The following RASSF3 variants were observed in gnomAD, a reference collection of about 807,000 sequenced individuals.
RASSF3 encodes the protein ras association domain-containing protein 3.
In RASSF3, 19 loss-of-function variants were observed where a neutral mutation model predicts 19.9. That is an observed-to-expected ratio of 0.96 (90% CI 0.67 to 1.40). The LOEUF (loss-of-function observed/expected upper bound fraction) is 1.40, where lower values mean the gene tolerates loss of function less well. Ranked by LOEUF, RASSF3 falls within the 40% of genes most tolerant of loss-of-function variation. RASSF3 has a pLI of 0.00. For missense variants in RASSF3, 306 were observed against 289.8 expected, an observed-to-expected ratio of 1.06 and a Z score of -0.41; for synonymous variants, 110 against 104.2, an observed-to-expected ratio of 1.06 and a Z score of -0.34.
chr12:64,544,108 G>C (rs373959059), downstream of RASSF3, among the ~76,000 whole-genome samples: 14 of 152,104 alleles, frequency 9.2e-5, no homozygotes, highest in South Asian at 2.7e-3. Context: ...AGTTCTTTAG[G>C]TGTTTGCAAT....
rs139509019 is a variant in RASSF3 at position 64,527,524 on chromosome 12, A to G, written c.170-14057A>G. Among the ~76,000 whole-genome samples, 679 of 152,298 alleles carry G rather than the reference A, an allele frequency of 4.5e-3. 1 individual carries two copies. Among genetic ancestry groups the G allele is most frequent in the African/African-American group, 0.016 (653 of 41,568 alleles). On this transcript the variant is annotated intron_variant, in intron 1 of 5. Transcript: ENST00000637125. ...GCTATCTTCACAATTTTTGCCATACATGCATAACTCCCTACTAGTATTTTT... is the reference window on the plus strand; with the variant it reads ...GCTATCTTCACAATTTTTGCCATACGTGCATAACTCCCTACTAGTATTTTT...
At position 64,693,144 on chromosome 12, in the gene RASSF3, C is replaced by CTTTT. The variant is rs71434057; in HGVS notation, c.567+1582_567+1585dup. Among the ~76,000 whole-genome samples, 142 of 128,738 alleles carry CTTTT rather than the reference C, an allele frequency of 1.1e-3. 1 individual carries two copies. The highest frequency in any genetic ancestry group is 3.7e-3 in the African/African-American group (130 of 34,736). 84.5% of individuals were successfully genotyped at this position (128,738 alleles called of 152,430 possible). ...TTTTGCTCTCCTACTCCATGTTGCTCTTTTTTTTTTTTTTTTTTTTAAATA... is the reference window on the plus strand; with the variant it reads ...TTTTGCTCTCCTACTCCATGTTGCTCTTTTTTTTTTTTTTTTTTTTTTTTAAATA... On this transcript the variant is annotated intron_variant, in intron 4 of 4. Coordinates refer to ENST00000542104, the MANE Select transcript of RASSF3 (RefSeq NM_178169.4).
intron 1 of RASSF3, among the ~76,000 whole-genome samples, chr12:64,637,183 A>G (rs1428742753): frequency 6.6e-6 from 1 of 152,208 alleles, no homozygotes; most frequent in Non-Finnish European, 1.5e-5. Context: ...ACTGTTGTTG[A>G]GCAGCAGGCG....
intron 2 of RASSF3, among the ~76,000 whole-genome samples, chr12:64,575,095 T>C (rs1318068667): frequency 7.9e-5 from 12 of 151,982 alleles, no homozygotes; most frequent in Admixed American, 7.9e-4. Context: ...GAAATAAGGA[T>C]AAAAAAAGAA....
chr12:64,609,883 CG>C (rs1263409545), upstream of RASSF3, among the ~76,000 whole-genome samples: 1 of 152,186 alleles, frequency 6.6e-6, no homozygotes, highest in Non-Finnish European at 1.5e-5. Flanking sequence ...AGGGTAAGAC[CG>C]AAGCTCAAAT....
At chr12:64,560,347 T>C (rs992772827) in intron 2 of RASSF3, among the ~76,000 whole-genome samples, 2 of 152,222 alleles carry the variant, frequency 1.3e-5, no homozygotes, top group African/African-American at 2.4e-5. Flanking sequence ...TTTTTTAAGC[T>C]ACCAAACAGG....
At chr12:64,641,437 A>G (rs1871526354) in intron 1 of RASSF3, among the ~76,000 whole-genome samples, 1 of 75,632 alleles carries the variant, frequency 1.3e-5, no homozygotes. Flanking sequence ...CGTTGAAAAC[A>G]AATGAGAAAC....
At chr12:64,690,705 C>T (rs978154116) in intron 3 of RASSF3, among the ~76,000 whole-genome samples, 2 of 151,282 alleles carry the variant, frequency 1.3e-5, no homozygotes, top group Non-Finnish European at 2.9e-5. Flanking sequence ...TGGCTGGTCT[C>T]GAACTCCAGG....
At chr12:64,517,805 G>A (rs1868394187) in intron 1 of RASSF3, among the ~76,000 whole-genome samples, 1 of 152,024 alleles carries the variant, frequency 6.6e-6, no homozygotes, top group Non-Finnish European at 1.5e-5. Flanking sequence ...TTTTTGTAGA[G>A]ATGGGGTCTC....
At chr12:64,552,266 G>C (rs1205781549) in intron 2 of RASSF3, among the ~76,000 whole-genome samples, 2 of 152,062 alleles carry the variant, frequency 1.3e-5, no homozygotes, top group African/African-American at 2.4e-5. Context: ...ACTCGGGCAA[G>C]AGATTTGAAC....
At chr12:64,660,745 T>A (rs138305660) in intron 1 of RASSF3, among the ~76,000 whole-genome samples, 1 of 152,188 alleles carries the variant, frequency 6.6e-6, no homozygotes, top group African/African-American at 2.4e-5. Context: ...TGAAAAAAAA[T>A]TTCTTTCAGG....
Position 64,509,031 on chromosome 12 carries a change from T to G in RASSF3, c.169+1702T>G, listed in dbSNP as rs60620673. ...TCTCACTGTCAAAATAGGGAGAATT[T>G]AACTTAATCGTTTAAGTCTCTGTTT... On this transcript the variant is annotated intron_variant, in intron 1 of 5. Coordinates refer to the RASSF3 transcript ENST00000637125. Among the ~76,000 whole-genome samples the G allele has an allele frequency of 3.9e-3, 600 of 152,348 alleles. 23 individuals carry two copies. The East Asian group carries it at 0.084, about 21-fold the overall frequency.
chr12:64,645,070 G>A (rs1370575687), intron 1 of RASSF3, among the ~76,000 whole-genome samples: 1 of 152,092 alleles, frequency 6.6e-6, no homozygotes, highest in Non-Finnish European at 1.5e-5. Context: ...ATGGATTAAG[G>A]TGGGAATTAT....
chr12:64,516,481 T>C (rs927728261), intron 1 of RASSF3, among the ~76,000 whole-genome samples: 9 of 148,646 alleles, frequency 6.1e-5, no homozygotes, highest in East Asian at 3.9e-4. Flanking sequence ...TAGCCGGGCG[T>C]AGTGGCGGGC....
chr12:64,645,088 T>G (rs1169962915), intron 1 of RASSF3, among the ~76,000 whole-genome samples: 4 of 152,106 alleles, frequency 2.6e-5, no homozygotes, highest in Admixed American at 2.6e-4. Flanking sequence ...TATTTATGGT[T>G]TGCATGCTGA....
chr12:64,543,018 T>C (rs1361144303), downstream of RASSF3, among the ~76,000 whole-genome samples: 1 of 112,854 alleles, frequency 8.9e-6, no homozygotes, highest in African/African-American at 2.9e-5. Flanking sequence ...GCACTTGGAG[T>C]GGCGGGCCCC....
intron 1 of RASSF3, among the ~76,000 whole-genome samples, chr12:64,517,308 TCCC>T (rs138608037): frequency 3.6e-4 from 53 of 148,698 alleles, no homozygotes; most frequent in African/African-American, 1.2e-3. Flanking sequence ...TATTAATTCC[TCCC>T]CCCCCCCACT....
intron 1 of RASSF3, among the ~76,000 whole-genome samples, chr12:64,668,497 C>T (rs906537509): frequency 1.3e-5 from 2 of 152,008 alleles, no homozygotes; most frequent in Non-Finnish European, 2.9e-5. Flanking sequence ...GTCTCAAACT[C>T]CTGAGCTCAA....
At chr12:64,571,169 C>A (rs2136130247) in intron 2 of RASSF3, among the ~76,000 whole-genome samples, 1 of 152,080 alleles carries the variant, frequency 6.6e-6, no homozygotes, top group African/African-American at 2.4e-5. Context: ...CGAGATCGCG[C>A]CATTACACTC....
Sources: gnomAD v4.1 joint callset for allele counts (sites outside exome capture counted in the v4.1 genomes callset) on GRCh38, gnomAD v4.1.1 for gene constraint, MANE v1.5 for transcripts, NCBI Gene and HGNC (gene_info 2026-07-23, HGNC 2026-07-21) for gene names.